RBFOX1: variants seen among roughly 807,000 people sequenced by gnomAD.
RBFOX1 encodes the protein RNA binding protein fox-1 homolog 1.
RBFOX1 carries 8 observed loss-of-function variants against 57.7 expected under a neutral mutation model. The observed-to-expected ratio is 0.14, with a 90% CI of 0.08 to 0.25. The LOEUF (loss-of-function observed/expected upper bound fraction) is 0.25, where lower values mean the gene tolerates loss of function less well. Among genes scored for constraint, RBFOX1 ranks in the 10% least tolerant of loss-of-function variants. The pLI, the probability that RBFOX1 is intolerant of heterozygous loss-of-function variation, is 1.00. For synonymous variants in RBFOX1, 326 were observed against 222.4 expected (o/e 1.47, Z -4.15); for missense variants, 611 against 548.5 (o/e 1.11, Z -1.14).
At position 7,084,983 on chromosome 16, in the gene RBFOX1, C is replaced by T. The variant is rs1425655259; in HGVS notation, c.27+32885C>T. Among the ~76,000 whole-genome samples the T allele has an allele frequency of 2.0e-5, 3 of 148,884 alleles. 1 individual carries two copies. Among genetic ancestry groups the T allele is most frequent in the Admixed American group, 2.0e-4 (3 of 14,950 alleles). On this transcript the variant is annotated intron_variant, in intron 4 of 15. Transcript: ENST00000550418. ...GTATCTGTCTGTCTGTCTGTCCATC[C>T]GTCCATCCATCCATGCATCCCACTA...
At position 5,876,081 on chromosome 16, in the gene RBFOX1, G is replaced by C. The variant is rs112504368; in HGVS notation, c.351+8746G>C. On this transcript the variant is annotated intron_variant, in intron 4 of 19. Coordinates refer to the RBFOX1 transcript ENST00000641259. Reference sequence around the variant, plus strand: ...GGTAGTCTTGATCTTATGACCTCGTGATCCACCCGCCTTGGCCTCCCAAAG... The same window carrying C: ...GGTAGTCTTGATCTTATGACCTCGTCATCCACCCGCCTTGGCCTCCCAAAG... 1.8e-3 allele frequency among the ~76,000 whole-genome samples: 271 copies of C among 152,206 alleles called. 1 individual carries two copies. Among genetic ancestry groups the C allele is most frequent in the African/African-American group, 6.2e-3 (257 of 41,530 alleles).
intron 4 of RBFOX1, among the ~76,000 whole-genome samples, chr16:7,315,056 C>T (rs2096405451): frequency 6.6e-6 from 1 of 150,384 alleles, no homozygotes; most frequent in Admixed American, 6.7e-5. Flanking sequence ...TTGGAGCCCT[C>T]AATCAATCTT....
At chr16:7,330,010 G>A (rs1219175601) in intron 4 of RBFOX1, among the ~76,000 whole-genome samples, 1 of 152,136 alleles carries the variant, frequency 6.6e-6, no homozygotes, top group African/African-American at 2.4e-5. Context: ...GAATACTGTA[G>A]GTGATTGTAT....
intron 14 of RBFOX1, among the ~76,000 whole-genome samples, chr16:7,687,333 G>A (rs1028276229): frequency 6.6e-6 from 1 of 151,986 alleles, no homozygotes. Context: ...CCCTTTGAAG[G>A]TGATAAAACT....
At chr16:6,210,494 C>T (rs1396789100) in intron 1 of RBFOX1, among the ~76,000 whole-genome samples, 1 of 151,848 alleles carries the variant, frequency 6.6e-6, no homozygotes, top group East Asian at 1.9e-4. Context: ...CTTTAAGAAG[C>T]TGAGACAAGA....
At chr16:7,043,380 C>T (rs1441259377) in intron 3 of RBFOX1, among the ~76,000 whole-genome samples, 1 of 152,108 alleles carries the variant, frequency 6.6e-6, no homozygotes, top group Non-Finnish European at 1.5e-5. Flanking sequence ...CACCCCCTTT[C>T]ATTAGCACAG....
chr16:5,897,697 C>T (rs1307207063), intron 4 of RBFOX1, among the ~76,000 whole-genome samples: 1 of 152,164 alleles, frequency 6.6e-6, no homozygotes, highest in Non-Finnish European at 1.5e-5. Flanking sequence ...CAAGCTTCTC[C>T]AGAGACTGTT....
At chr16:5,667,867 A>G (rs2151407326) in intron 3 of RBFOX1, among the ~76,000 whole-genome samples, 1 of 152,320 alleles carries the variant, frequency 6.6e-6, no homozygotes, top group African/African-American at 2.4e-5. Flanking sequence ...AGTGGGGATG[A>G]GCTTATTGAT....
chr16:6,913,060 G>C (rs943577575), intron 3 of RBFOX1, among the ~76,000 whole-genome samples: 19 of 152,108 alleles, frequency 1.2e-4, no homozygotes, highest in African/African-American at 4.3e-4. Context: ...AAAGAACTTG[G>C]AAAGGGCCCC....
At chr16:7,292,769 C>G (rs531595430) in intron 4 of RBFOX1, among the ~76,000 whole-genome samples, 28 of 152,084 alleles carry the variant, frequency 1.8e-4, no homozygotes, top group African/African-American at 6.3e-4. Context: ...ATTATTTTAT[C>G]TGATACGAGG....
chr16:5,354,732 C>T (rs1395178273), intron 1 of RBFOX1, among the ~76,000 whole-genome samples: 1 of 152,170 alleles, frequency 6.6e-6, no homozygotes, highest in South Asian at 2.1e-4. Context: ...ATAGGACAAA[C>T]GTTCACGCAG....
At chr16:7,609,771 G>A (rs954877599) in intron 10 of RBFOX1, among the ~76,000 whole-genome samples, 1 of 152,028 alleles carries the variant, frequency 6.6e-6, no homozygotes, top group Non-Finnish European at 1.5e-5. Context: ...CTCAGAAATC[G>A]TGTTCTTTAC....
intron 4 of RBFOX1, among the ~76,000 whole-genome samples, chr16:7,331,690 C>T (rs2096698678): frequency 6.6e-6 from 1 of 152,082 alleles, no homozygotes; most frequent in African/African-American, 2.4e-5. Flanking sequence ...CTATTATTAT[C>T]TCAGTTTTCC....
chr16:6,958,115 T>G (rs1598378935), intron 3 of RBFOX1, among the ~76,000 whole-genome samples: 2 of 152,132 alleles, frequency 1.3e-5, no homozygotes, highest in African/African-American at 4.8e-5. Context: ...CAGAAATGGG[T>G]GACCGGATTT....
chr16:7,068,973 A>C (rs556467053), intron 4 of RBFOX1, among the ~76,000 whole-genome samples: 15 of 152,320 alleles, frequency 9.8e-5, no homozygotes, highest in African/African-American at 3.6e-4. Context: ...AGAAATGTAA[A>C]ATTATTAAAA....
At chr16:6,853,813 C>A (rs2057298101) in intron 3 of RBFOX1, among the ~76,000 whole-genome samples, 1 of 152,106 alleles carries the variant, frequency 6.6e-6, no homozygotes, top group African/African-American at 2.4e-5. Context: ...GTAATTTCCT[C>A]CCCAACGGAT....
At chr16:7,314,140 T>C (rs955161922) in intron 4 of RBFOX1, among the ~76,000 whole-genome samples, 8 of 152,134 alleles carry the variant, frequency 5.3e-5, no homozygotes, top group South Asian at 2.1e-4. Flanking sequence ...AGAACGAGGC[T>C]GTGAGAATCA....
intron 2 of RBFOX1, among the ~76,000 whole-genome samples, chr16:6,405,873 C>A (rs771326592): frequency 2.6e-5 from 4 of 152,262 alleles, no homozygotes; most frequent in Middle Eastern, 6.8e-3. Context: ...ACTTCTATTA[C>A]AAAATGCAAT....
chr16:6,006,213 C>T (rs1198754084), intron 4 of RBFOX1, among the ~76,000 whole-genome samples: 1 of 152,176 alleles, frequency 6.6e-6, no homozygotes, highest in East Asian at 1.9e-4. Flanking sequence ...CCTTCTCAGA[C>T]CAGATAGTTC....
Sources: allele counts gnomAD v4.1 joint callset (sites outside exome capture counted in the v4.1 genomes callset), GRCh38; gene constraint gnomAD v4.1.1; transcripts MANE v1.5; gene names NCBI Gene and HGNC (gene_info 2026-07-23, HGNC 2026-07-21).